Variants in KRABD4 observed in about 807,000 individuals in gnomAD.
KRABD4 encodes KRAB domain-containing protein 4.
the KRABD4 span, among the ~76,000 whole-genome samples, chrX:46,453,087 A>G: frequency 1.8e-5 from 2 of 111,694 alleles, no homozygotes; most frequent in African/African-American, 6.5e-5. Context: ...TCTGTCATAC[A>G]TGTTGTCAAT....
At chrX:46,456,997 G>A in the KRABD4 span, 2 of 293,614 alleles carry the variant, frequency 6.8e-6, no homozygotes, top group Non-Finnish European at 1.2e-5. Flanking sequence ...CCAGTAAGTG[G>A]AGTTTATGTT....
the KRABD4 span, among the ~76,000 whole-genome samples, chrX:46,458,909 A>G: frequency 2.7e-5 from 3 of 111,845 alleles, no homozygotes; most frequent in African/African-American, 6.5e-5. Flanking sequence ...TAGAATAGTT[A>G]AATAAATTGC....
At chrX:46,452,357 C>G in the KRABD4 span, among the ~76,000 whole-genome samples, 14 of 107,978 alleles carry the variant, frequency 1.3e-4, no homozygotes, top group Non-Finnish European at 2.3e-4. Context: ...GCACTATTGA[C>G]ATTTTGGTTG....
chrX:46,462,646 T>G, the KRABD4 span: 2 of 1,191,634 alleles, frequency 1.7e-6, no homozygotes, highest in East Asian at 3.0e-5. Context: ...TCTGTCAAGT[T>G]TCTCCTAGAG....
chrX:46,460,151 G>A, the KRABD4 span, among the ~76,000 whole-genome samples: 21 of 112,083 alleles, frequency 1.9e-4, no homozygotes, highest in African/African-American at 5.8e-4. Flanking sequence ...CAGGCAAAGC[G>A]CGGTGGCTCA....
At chrX:46,466,392 A>C in the KRABD4 span, among the ~76,000 whole-genome samples, 857 of 111,797 alleles carry the variant, frequency 7.7e-3, 5 homozygotes, top group African/African-American at 0.027. Context: ...ACCTAGATTT[A>C]TAATAACTAT....
the KRABD4 span, chrX:46,447,333 C>T: frequency 9.1e-6 from 1 of 110,448 alleles, no homozygotes. Context: ...AGGTTTCAGG[C>T]TCTTGGCGGT....
the KRABD4 span, among the ~76,000 whole-genome samples, chrX:46,469,427 A>G: frequency 0.021 from 2,358 of 111,680 alleles, 59 homozygotes; most frequent in African/African-American, 0.071. Context: ...CCTGTGTTTT[A>G]TGTTCTTACA....
At chrX:46,447,458 G>A in the KRABD4 span, 1 of 111,255 alleles carries the variant, frequency 9.0e-6, no homozygotes, top group Non-Finnish European at 1.9e-5. Context: ...TGGCTCTACA[G>A]CCCAGCTCAA....
chrX:46,464,618 C>T, the KRABD4 span, among the ~76,000 whole-genome samples: 1 of 112,031 alleles, frequency 8.9e-6, no homozygotes, highest in Non-Finnish European at 1.9e-5. Flanking sequence ...TGATGATAAC[C>T]TCTTTGTTGC....
the KRABD4 span, chrX:46,456,346 T>G: frequency 9.3e-6 from 1 of 107,926 alleles, no homozygotes; most frequent in Non-Finnish European, 1.9e-5. Context: ...TATTATAAAT[T>G]TAATAATTTA....
chrX:46,456,070 C>T, the KRABD4 span: 2 of 352,532 alleles, frequency 5.7e-6, no homozygotes, highest in Non-Finnish European at 1.1e-5. Context: ...GTCCAAGGCC[C>T]AGCTCCTTAA....
At chrX:46,463,977 C>A in the KRABD4 span, among the ~76,000 whole-genome samples, 1 of 108,442 alleles carries the variant, frequency 9.2e-6, no homozygotes, top group Admixed American at 9.9e-5. Context: ...CTTCATACTA[C>A]TTGTTATCAG....
the KRABD4 span, among the ~76,000 whole-genome samples, chrX:46,470,455 T>A: frequency 2.8e-4 from 31 of 111,334 alleles, 1 homozygote; most frequent in Admixed American, 3.0e-3. Flanking sequence ...GTATGATGCT[T>A]TATGGGATTA....
the KRABD4 span, chrX:46,454,961 T>C: frequency 4.3e-6 from 1 of 231,555 alleles, no homozygotes; most frequent in Admixed American, 6.5e-5. Flanking sequence ...AGCCAAAAGA[T>C]TGGACACCCC....
the KRABD4 span, among the ~76,000 whole-genome samples, chrX:46,459,326 A>G: frequency 0.061 from 841 of 13,686 alleles, 11 homozygotes; most frequent in African/African-American, 0.33. Flanking sequence ...AAAAAAAAAG[A>G]AAAAAAAAAA....
the KRABD4 span, among the ~76,000 whole-genome samples, chrX:46,460,432 G>C: frequency 9.9e-6 from 1 of 101,456 alleles, no homozygotes; most frequent in African/African-American, 3.4e-5. Flanking sequence ...AAAAAAAAAA[G>C]CTGGGGGCAG....
the KRABD4 span, among the ~76,000 whole-genome samples, chrX:46,451,788 G>T: frequency 8.9e-6 from 1 of 111,925 alleles, no homozygotes; most frequent in African/African-American, 3.2e-5. Context: ...CTACAAAAAA[G>T]AAAATTATAG....
the KRABD4 span, chrX:46,471,964 C>T: frequency 3.6e-5 from 4 of 111,721 alleles, no homozygotes; most frequent in Non-Finnish European, 7.5e-5. Flanking sequence ...GTTTTCAACT[C>T]ATTGTGGTTC....
Sources: allele counts gnomAD v4.1 joint callset (sites outside exome capture counted in the v4.1 genomes callset), GRCh38; gene constraint gnomAD v4.1.1; transcripts MANE v1.5; gene names NCBI Gene and HGNC (gene_info 2026-07-23, HGNC 2026-07-21).